Variants in ARHGEF10L observed in about 807,000 individuals in gnomAD.
The protein encoded by ARHGEF10L is rho guanine nucleotide exchange factor 10-like protein.
Under a neutral mutation model 141.2 loss-of-function variants are expected in ARHGEF10L, and 69 were observed. The ratio of observed to expected loss-of-function variants is 0.49; its 90% CI spans 0.40 to 0.60. The LOEUF (loss-of-function observed/expected upper bound fraction) is 0.60, where lower values mean the gene tolerates loss of function less well. Among genes scored for constraint, ARHGEF10L ranks in the 20% least tolerant of loss-of-function variants. The pLI is 0.00. For missense variants in ARHGEF10L, 1,482 were observed against 1,734.3 expected, an observed-to-expected ratio of 0.85 and a Z score of 2.58; for synonymous variants, 711 against 718.5, an observed-to-expected ratio of 0.99 and a Z score of 0.17.
intron 1 of ARHGEF10L, 99 bp from the exon 2 acceptor site, chr1:17,580,454 A>G (rs1225295443): frequency 9.7e-7 from 1 of 1,032,638 alleles, no homozygotes; most frequent in African/African-American, 1.6e-5. Context: ...TCTGAGAGCC[A>G]CTGGGCTGAA....
upstream of ARHGEF10L, among the ~76,000 whole-genome samples, chr1:17,538,294 C>T (rs1196689558): frequency 6.6e-6 from 1 of 152,064 alleles, no homozygotes; most frequent in Non-Finnish European, 1.5e-5. Context: ...TGTCTGCTGT[C>T]CTGCCATCAT....
At position 17,695,148 on chromosome 1, in the gene ARHGEF10L, C is replaced by T. The variant is rs1341815053; in HGVS notation, c.3185-10C>T. On this transcript the variant is annotated splice_polypyrimidine_tract_variant and intron_variant, in intron 27 of 28. Coordinates refer to ENST00000361221, the MANE Select transcript of ARHGEF10L (RefSeq NM_018125.4). ...GGAGGGCACTGCTCAGCCGCCCTCT[C>T]TTTCTGCAGGCCAGAAGCACTTGTG... 1.2e-5 allele frequency: 19 copies of T among 1,612,540 alleles called. No individual in the cohort carries two copies. The highest frequency in any genetic ancestry group is 1.6e-5 in the Non-Finnish European group (19 of 1,179,990).
the ARHGEF10L span, among the ~76,000 whole-genome samples, chr1:17,520,427 G>A: frequency 1.3e-5 from 2 of 152,328 alleles, no homozygotes; most frequent in African/African-American, 2.4e-5. Context: ...CTCCCTTCCC[G>A]GAGGACTGCG....
At chr1:17,550,244 G>C (rs776422188) in intron 1 of ARHGEF10L, among the ~76,000 whole-genome samples, 1 of 152,248 alleles carries the variant, frequency 6.6e-6, no homozygotes, top group African/African-American at 2.4e-5. Context: ...TGAGTGAGTG[G>C]TGGTGTCATG....
At chr1:17,544,278 G>A (rs114458344) in intron 1 of ARHGEF10L, among the ~76,000 whole-genome samples, 12,048 of 149,524 alleles carry the variant, frequency 0.081, 549 homozygotes, top group African/African-American at 0.11. Flanking sequence ...ATATATGTGT[G>A]TATATATATA....
chr1:17,562,183 A>G (rs1193280837), intron 1 of ARHGEF10L, among the ~76,000 whole-genome samples: 1 of 152,190 alleles, frequency 6.6e-6, no homozygotes, highest in Admixed American at 6.5e-5. Flanking sequence ...GGGAGGCTGA[A>G]GTGGGTGCAT....
At position 17,587,658 on chromosome 1, in the gene ARHGEF10L, T is replaced by C. The variant is rs777027457; in HGVS notation, c.223+13T>C. On this transcript the variant is annotated intron_variant, in intron 3 of 28. Transcript: ENST00000361221. ...ATCCCTGTCACTGGTAAGATGTTTCTGGGAACTTCCGGTCCTGGGGCTACA... is the reference window on the plus strand; with the variant it reads ...ATCCCTGTCACTGGTAAGATGTTTCCGGGAACTTCCGGTCCTGGGGCTACA... 3.1e-6 allele frequency: 5 copies of C among 1,600,770 alleles called. No homozygotes were observed. The highest frequency in any genetic ancestry group is 2.2e-5 in the South Asian group (2 of 89,682).
intron 25 of ARHGEF10L, among the ~76,000 whole-genome samples, chr1:17,661,113 T>C (rs1237996836): frequency 2.0e-5 from 3 of 152,040 alleles, no homozygotes; most frequent in African/African-American, 7.2e-5. Context: ...TGAGACAGAG[T>C]TTCACTCTGT....
rs536469362 is a variant in ARHGEF10L at position 17,590,685 on chromosome 1, A to G, written c.257+2206A>G. Among the ~76,000 whole-genome samples, 4 of 152,294 alleles carry G rather than the reference A, an allele frequency of 2.6e-5. No homozygotes were observed. The South Asian group carries it at 8.3e-4, about 32-fold the overall frequency. On this transcript the variant is annotated intron_variant, in intron 4 of 28. Coordinates refer to ENST00000361221, the MANE Select transcript of ARHGEF10L (RefSeq NM_018125.4). ...GGGTCTGTGTTCCATGGAAGCAAGG[A>G]GAAAGCAAACAGCATGTCAGACCTG...
At chr1:17,634,419 G>A (rs1571120917) in intron 16 of ARHGEF10L, 129 bp from the exon 17 acceptor site, 16 of 1,494,280 alleles carry the variant, frequency 1.1e-5, no homozygotes, top group East Asian at 4.5e-5. Context: ...CTCATTCCCC[G>A]CAGGAGGCTG....
In ARHGEF10L at chr1:17,634,183, T is replaced by C. The variant is rs1571118492; in HGVS notation, c.1731-365T>C. On this transcript the variant is annotated intron_variant, in intron 16 of 28. Transcript: ENST00000361221. ...CCTGGGCACCGTGTGGTGCCGGCGG[T>C]ATGATGAATACCCTCTCTGCCTTCA... The C allele has an allele frequency of 1.1e-5, 4 of 358,782 alleles. No homozygotes were observed. The Admixed American group carries it at 1.8e-4, about 16-fold the overall frequency. 22.2% of individuals were successfully genotyped at this position (358,782 alleles called of 1,614,324 possible). A position where few individuals can be genotyped will look rare whatever the true frequency, so the allele number is the denominator to read the frequency against.
intron 4 of ARHGEF10L, among the ~76,000 whole-genome samples, 180 bp from the exon 5 acceptor site, chr1:17,601,947 C>T (rs1234997775): frequency 2.0e-5 from 3 of 152,316 alleles, no homozygotes; most frequent in African/African-American, 2.4e-5. Flanking sequence ...ACCTTATGCA[C>T]GCCTTCTAAA....
chr1:17,527,338 T>C, the ARHGEF10L span, among the ~76,000 whole-genome samples: 1 of 152,188 alleles, frequency 6.6e-6, no homozygotes, highest in Non-Finnish European at 1.5e-5. Flanking sequence ...CACCAGAGAA[T>C]AATCTCCCTA....
rs1349881146 is a variant in ARHGEF10L at position 17,690,016 on chromosome 1, TATG to T, written c.3184+2278_3184+2280del. 8.1e-5 allele frequency: 29 copies of T among 357,464 alleles called. No individual in the cohort carries two copies. In the Admixed American group the frequency reaches 1.0e-3, roughly 13 times the overall value. 22.1% of individuals were successfully genotyped at this position (357,464 alleles called of 1,614,324 possible). A position where few individuals can be genotyped will look rare whatever the true frequency, so the allele number is the denominator to read the frequency against. ...TTAAGGAAGGAAGGGCATTCGTTGT[TATG>T]ATGATGATTTGAGGGCCAGGTAAAC... On this transcript the variant is annotated intron_variant, in intron 27 of 28. Coordinates refer to ENST00000361221, the MANE Select transcript of ARHGEF10L (RefSeq NM_018125.4).
chr1:17,634,800 G>A (rs1196330842), intron 17 of ARHGEF10L, 35 bp from the exon 18 acceptor site: 3 of 1,575,330 alleles, frequency 1.9e-6, no homozygotes, highest in Non-Finnish European at 2.6e-6. Flanking sequence ...GGTGGCTGCA[G>A]CCTCTCCAGG....
intron 1 of ARHGEF10L, among the ~76,000 whole-genome samples, chr1:17,547,921 G>A (rs2076973640): frequency 6.6e-6 from 1 of 152,190 alleles, no homozygotes; most frequent in South Asian, 2.1e-4. Context: ...GGTTCTGGGA[G>A]TAGACGCTGG....
the ARHGEF10L span, among the ~76,000 whole-genome samples, chr1:17,524,364 T>TACACACACACACACACACAC: frequency 1.7e-5 from 2 of 116,030 alleles, no homozygotes; most frequent in African/African-American, 6.8e-5. Context: ...ACCCCGTCTC[T>TACACACACACACACACACAC]ACACACACAC....
chr1:17,671,605 G>A (rs1199792241), intron 26 of ARHGEF10L, among the ~76,000 whole-genome samples: 2 of 152,192 alleles, frequency 1.3e-5, no homozygotes, highest in South Asian at 2.1e-4. Context: ...GGCAAGTGGC[G>A]TCAGCATTTG....
At chr1:17,524,127 G>T in the ARHGEF10L span, among the ~76,000 whole-genome samples, 1 of 151,986 alleles carries the variant, frequency 6.6e-6, no homozygotes, top group African/African-American at 2.4e-5. Flanking sequence ...ACAAAAATTA[G>T]CTGGGCATGG....
Sources: gnomAD v4.1 joint callset for allele counts (sites outside exome capture counted in the v4.1 genomes callset) on GRCh38, gnomAD v4.1.1 for gene constraint, MANE v1.5 for transcripts, NCBI Gene and HGNC (gene_info 2026-07-23, HGNC 2026-07-21) for gene names.